The following PLXNA4 variants were observed in gnomAD, a reference collection of about 807,000 sequenced individuals.
PLXNA4 encodes plexin A4.
In PLXNA4, 44 loss-of-function variants were observed where a neutral mutation model predicts 191.8. That is an observed-to-expected ratio of 0.23 (90% CI 0.18 to 0.29). The LOEUF (loss-of-function observed/expected upper bound fraction) is 0.29. Ranked by LOEUF, PLXNA4 falls within the 10% of genes least tolerant of loss-of-function variation. PLXNA4 has a pLI of 1.00. For synonymous variants in PLXNA4, 1,082 were observed against 1,009.5 expected (o/e 1.07, Z -1.36); for missense variants, 1,800 against 2,488.8 (o/e 0.72, Z 5.89).
intron 3 of PLXNA4, among the ~76,000 whole-genome samples, chr7:132,405,916 A>T (rs2117064004): frequency 6.6e-6 from 1 of 152,014 alleles, no homozygotes; most frequent in East Asian, 1.9e-4. Context: ...TTTCTTTCTT[A>T]CTCTATTCCA....
Position 132,144,971 on chromosome 7 carries a change from A to G in PLXNA4, c.5225+148T>C, listed in dbSNP as rs1440035321. ...AATCTAGGAAGAGTGGATGGGGAGG[A>G]CCAGAGAATGTGCCTGCTCAGAGTC... On this transcript the variant is annotated intron_variant, in intron 29 of 31. Transcript: ENST00000321063. 12 of 1,126,678 alleles carry G rather than the reference A, an allele frequency of 1.1e-5. No individual in the cohort carries two copies. In the East Asian group the frequency reaches 2.8e-4, roughly 27 times the overall value. 69.8% of individuals were successfully genotyped at this position (1,126,678 alleles called of 1,614,324 possible). A position where few individuals can be genotyped will look rare whatever the true frequency, so the allele number is the denominator to read the frequency against.
chr7:132,378,999 C>T (rs1804779242), intron 3 of PLXNA4, among the ~76,000 whole-genome samples: 1 of 151,968 alleles, frequency 6.6e-6, no homozygotes, highest in Non-Finnish European at 1.5e-5. Context: ...TATAGGTGCA[C>T]ACTACCACAC....
chr7:132,513,305 A>C (rs895994683), intron 1 of PLXNA4, among the ~76,000 whole-genome samples: 4 of 152,264 alleles, frequency 2.6e-5, no homozygotes, highest in Non-Finnish European at 5.9e-5. Context: ...TAGAGTTTAC[A>C]AAGTGTTTTC....
At chr7:132,273,878 A>G (rs1490616391) in intron 4 of PLXNA4, among the ~76,000 whole-genome samples, 2 of 152,180 alleles carry the variant, frequency 1.3e-5, no homozygotes, top group African/African-American at 4.8e-5. Context: ...ATGCTCATGT[A>G]AAAACCTGGG....
intron 2 of PLXNA4, among the ~76,000 whole-genome samples, chr7:132,626,221 A>T (rs1483710955): frequency 6.6e-6 from 1 of 152,112 alleles, no homozygotes; most frequent in Non-Finnish European, 1.5e-5. Context: ...CACTGCCACA[A>T]ACTAGGTCAA....
intron 1 of PLXNA4, among the ~76,000 whole-genome samples, chr7:132,557,549 T>TTA (rs1554468499): frequency 5.9e-4 from 87 of 148,232 alleles, no homozygotes; most frequent in Non-Finnish European, 1.2e-3. Context: ...ATCTTTTTTT[T>TTA]AAAAAAAAAA....
In PLXNA4 at chr7:132,631,210, G is replaced by T. The variant is rs1023181698; in HGVS notation, c.-87+14718C>A. Among the ~76,000 whole-genome samples, 3 of 152,106 alleles carry T rather than the reference G, an allele frequency of 2.0e-5. No homozygotes were observed. In the South Asian group the frequency reaches 6.2e-4, roughly 32 times the overall value. On this transcript the variant is annotated intron_variant, in intron 2 of 4. Transcript: ENST00000378539. ...TTTTAAATTACTTGGCATTTAAATT[G>T]CTTCCCTTTACTTTCTTTCTTCAAT...
chr7:132,621,912 AT>A, intron 2 of PLXNA4, among the ~76,000 whole-genome samples: 1 of 152,272 alleles, frequency 6.6e-6, no homozygotes, highest in Non-Finnish European at 1.5e-5. Context: ...ATTTAACATA[AT>A]TTTTCTAACT....
At chr7:132,576,898 G>C (rs1034157507), upstream of PLXNA4, 5 of 150,554 alleles carry the variant, frequency 3.3e-5, no homozygotes, top group African/African-American at 1.2e-4. The surrounding 1 kb of genome is among the most constrained non-coding windows in gnomAD (Gnocchi z 5.8). Context: ...GCCGCTGCCC[G>C]GGCGCGGCGA....
chr7:132,195,919 G>A (rs538117125), intron 13 of PLXNA4, among the ~76,000 whole-genome samples: 10 of 152,126 alleles, frequency 6.6e-5, no homozygotes, highest in East Asian at 3.9e-4. Context: ...TTAACTTTAC[G>A]GCTTCTATGT....
chr7:132,550,160 A>G (rs1800497502), intron 1 of PLXNA4, among the ~76,000 whole-genome samples: 2 of 152,124 alleles, frequency 1.3e-5, no homozygotes, highest in South Asian at 4.2e-4. Context: ...TAGGAAGACA[A>G]TGAAGGCTGG....
At chr7:132,563,673 CCT>C (rs1801504072) in intron 1 of PLXNA4, among the ~76,000 whole-genome samples, 1 of 126,650 alleles carries the variant, frequency 7.9e-6, no homozygotes, top group East Asian at 2.6e-4. Flanking sequence ...TCCTTCTCCT[CCT>C]CTTTCTCCTC....
intron 9 of PLXNA4, among the ~76,000 whole-genome samples, chr7:132,215,822 T>G (rs962024909): frequency 1.3e-5 from 2 of 152,182 alleles, no homozygotes; most frequent in Non-Finnish European, 2.9e-5. Flanking sequence ...ACAAGGAAGT[T>G]CTATGCCCCT....
At chr7:132,545,756 T>C (rs1800274995) in intron 1 of PLXNA4, among the ~76,000 whole-genome samples, 1 of 152,002 alleles carries the variant, frequency 6.6e-6, no homozygotes, top group African/African-American at 2.4e-5. Context: ...AGAAGTGTAA[T>C]AGGGTAGAGG....
chr7:132,428,760 T>G (rs1233426299), intron 3 of PLXNA4, among the ~76,000 whole-genome samples: 3 of 152,124 alleles, frequency 2.0e-5, no homozygotes, highest in Non-Finnish European at 1.5e-5. Flanking sequence ...CCATTCCCTG[T>G]CTGCAATTGT....
intron 2 of PLXNA4, among the ~76,000 whole-genome samples, chr7:132,499,386 C>A (rs1272025135): frequency 6.6e-6 from 1 of 152,244 alleles, no homozygotes; most frequent in African/African-American, 2.4e-5. Flanking sequence ...ACACCAGACC[C>A]ATGGGAAATC....
rs201948758 is a variant in PLXNA4 at position 132,484,811 on chromosome 7, T to C, written c.1371+4481A>G. The C allele has an allele frequency of 1.7e-3, 2,777 of 1,613,790 alleles. 15 individuals are homozygous for C. Among genetic ancestry groups the C allele is most frequent in the Non-Finnish European group, 1.8e-3 (2,178 of 1,179,816 alleles). On this transcript the variant is annotated intron_variant, in intron 3 of 31. Coordinates refer to ENST00000321063, the MANE Select transcript of PLXNA4 (RefSeq NM_020911.2). ...TTAAAGTGGATTCAAATTTCCAGAGTAATTTTAGGAAGAATTCCCAGGTAC... is the reference window on the plus strand; with the variant it reads ...TTAAAGTGGATTCAAATTTCCAGAGCAATTTTAGGAAGAATTCCCAGGTAC...
rs776658957 is a variant in PLXNA4, at chr7:132,130,521, G to A, written c.5643C>T (p.Tyr1881=). The stretch of plus-strand genomic sequence containing the variant: ...TGAGGGTTATGACTTGTTCTAGTTT[G>A]TAGGCCAGTTTCTGCTTCCCACACT... ...DDQCGKQKLA[Y]KLEQVITLMS... The change falls in exon 32 of 32, where the codon TAC becomes TAT. Residue 1881 remains tyrosine (Y), a synonymous_variant. Coordinates refer to ENST00000321063, the MANE Select transcript of PLXNA4 (RefSeq NM_020911.2). The A allele has an allele frequency of 8.7e-6, 14 of 1,614,202 alleles. No homozygotes were observed. Among genetic ancestry groups the A allele is most frequent in the Non-Finnish European group, 1.2e-5 (14 of 1,180,024 alleles).
chr7:132,130,238 G>A lies in PLXNA4; in HGVS notation c.*241C>T, dbSNP rs1794885926. 2.0e-6 allele frequency: 1 copy of A among 511,720 alleles called. No individual in the cohort carries two copies. Among genetic ancestry groups the A allele is most frequent in the Non-Finnish European group, 3.5e-6 (1 of 289,338 alleles). 31.7% of individuals were successfully genotyped at this position (511,720 alleles called of 1,614,324 possible). A position where few individuals can be genotyped will look rare whatever the true frequency, so the allele number is the denominator to read the frequency against. ...GGTCAGCTCCCTTGCCATGGGCCTG[G>A]CCATTCTTGGACTAACTGAGGGTCA... On this transcript the variant is annotated 3_prime_UTR_variant, in exon 32 of 32. Transcript: ENST00000321063.
Sources: gnomAD v4.1 joint callset for allele counts (sites outside exome capture counted in the v4.1 genomes callset) on GRCh38, gnomAD v4.1.1 for gene constraint, Gnocchi (gnomAD v3.1) non-coding constraint, MANE v1.5 for transcripts, NCBI Gene and HGNC (gene_info 2026-07-23, HGNC 2026-07-21) for gene names.